The following KIF26A variants were observed in gnomAD, a reference collection of about 807,000 sequenced individuals.
KIF26A encodes the protein kinesin family member 26A, also known as kinesin-like protein KIF26A.
In KIF26A, 74 loss-of-function variants were observed where a neutral mutation model predicts 126.0. The observed-to-expected ratio is 0.59, with a 90% CI of 0.49 to 0.71. The LOEUF is 0.71. Ranked by LOEUF, KIF26A falls within the 30% of genes least tolerant of loss-of-function variation. KIF26A has a pLI of 0.00. For synonymous variants in KIF26A, 1,445 were observed against 1,232.7 expected, an observed-to-expected ratio of 1.17 and a Z score of -3.61; for missense variants, 2,984 against 2,763.3, an observed-to-expected ratio of 1.08 and a Z score of -1.79.
intron 5 of KIF26A, among the ~76,000 whole-genome samples, chr14:104,170,057 G>A (rs986714180): frequency 3.9e-5 from 6 of 152,168 alleles, no homozygotes; most frequent in African/African-American, 1.4e-4. Flanking sequence ...TTGTGAGCCC[G>A]CTCTGCGATT....
intron 3 of KIF26A, 55 bp from the exon 4 acceptor site, chr14:104,157,700 G>T (rs1482948544): frequency 2.6e-6 from 4 of 1,552,452 alleles, no homozygotes; most frequent in South Asian, 1.2e-5. Context: ...GGTGCCAGGG[G>T]GCAGTGGTGT....
rs1330760639 is a variant in KIF26A, at chr14:104,178,638, C to T, written c.5199C>T (p.Asp1733=). Residue 1733 remains aspartate, a synonymous_variant, in exon 13 of 15, where the codon GAC becomes GAT. Transcript: ENST00000423312. ...RKPSLPGQWV[D]LPPPLAGSLK... ...CCAGCCTCCCCGGGCAGTGGGTGGACCTGCCCCCGCCCCTGGCTGGCTCCC... is the reference window on the plus strand; with the variant it reads ...CCAGCCTCCCCGGGCAGTGGGTGGATCTGCCCCCGCCCCTGGCTGGCTCCC... The T allele has an allele frequency of 3.9e-6, 6 of 1,549,912 alleles. No individual in the cohort carries two copies. Among genetic ancestry groups the T allele is most frequent in the Admixed American group, 3.9e-5 (2 of 51,592 alleles).
Position 104,175,973 on chromosome 14 carries a change from C to T in KIF26A, c.3185C>T (p.Ser1062Phe). The T allele has an allele frequency of 1.3e-6, 2 of 1,574,704 alleles. No homozygotes were observed. Among genetic ancestry groups the T allele is most frequent in the East Asian group, 2.3e-5 (1 of 43,356 alleles). Residue 1062 changes from serine to phenylalanine, a missense_variant, in exon 12 of 15, where the codon TCC (serine) becomes TTC (phenylalanine). Coordinates refer to ENST00000423312, the MANE Select transcript of KIF26A (RefSeq NM_015656.2). The stretch of plus-strand genomic sequence containing the variant: ...CTGGCTAGCTTCGACAGTGACTGCT[C>T]CCTGCGGGCCCTGGCCTCGGGGTCC... ...TSLASFDSDCSLRALASGSRP... is the reference protein window; with the variant it reads ...TSLASFDSDCFLRALASGSRP...
intron 2 of KIF26A, among the ~76,000 whole-genome samples, chr14:104,142,291 G>A (rs2037644587): frequency 6.6e-6 from 1 of 152,102 alleles, no homozygotes. Flanking sequence ...GGTGTGGAGG[G>A]GAAGCCCCAT....
chr14:104,176,776 G>T lies in KIF26A; in HGVS notation c.3988G>T (p.Val1330Leu). 1 of 1,578,008 alleles carries T rather than the reference G, an allele frequency of 6.3e-7. No individual in the cohort carries two copies. ...CTGGGGAGATGCTCCCACGGAGGTG[G>T]TGGCCTGCTCGGGGAGCCTGAAGGC... ...VSWGDAPTEVVACSGSLKASP... is the reference protein window; with the variant it reads ...VSWGDAPTEVLACSGSLKASP... Residue 1330 changes from valine to leucine, a missense_variant, in exon 12 of 15, where the codon GTG becomes TTG. Val to Leu is a conservative substitution (Grantham distance 32). Transcript: ENST00000423312.
In KIF26A at chr14:104,167,000, G is replaced by A. The variant is rs578010759; in HGVS notation, c.1065G>A (p.Leu355=). ...GGCCGCCCCCGGCGCCCCCCTGCCT[G>A]CTCAGGGCCGCCTCCAAGACCAAGG... ...QLWPPPAPPC[L]LRAASKTKDN... is the part of the protein sequence containing the mutation. The change falls in exon 5 of 15, where the codon CTG becomes CTA. Residue 355 remains leucine, a synonymous_variant. Transcript: ENST00000423312. 3 of 1,581,590 alleles carry A rather than the reference G, an allele frequency of 1.9e-6. No homozygotes were observed. The highest frequency in any genetic ancestry group is 2.3e-5 in the East Asian group (1 of 43,366).
intron 5 of KIF26A, among the ~76,000 whole-genome samples, chr14:104,168,623 C>A (rs569047775): frequency 7.2e-5 from 11 of 152,336 alleles, no homozygotes; most frequent in Non-Finnish European, 1.2e-4. Flanking sequence ...ATCTCCCTGA[C>A]TCTGGGTCTC....
intron 4 of KIF26A, among the ~76,000 whole-genome samples, chr14:104,160,768 GTCA>G (rs1380638978): frequency 8.5e-5 from 13 of 152,328 alleles, no homozygotes; most frequent in Admixed American, 8.5e-4. Flanking sequence ...AGGTACTTCC[GTCA>G]TCATACTCTC....
Position 104,176,963 on chromosome 14 carries a change from C to G in KIF26A, c.4175C>G (p.Ala1392Gly). 1 of 1,535,232 alleles carries G rather than the reference C, an allele frequency of 6.5e-7. No individual in the cohort carries two copies. The highest frequency in any genetic ancestry group is 8.7e-7 in the Non-Finnish European group (1 of 1,145,868). The change falls in exon 12 of 15, where the codon GCT (alanine) becomes GGT (glycine). Residue 1392 changes from alanine (A) to glycine (G), a missense_variant. Physicochemically the swap from Ala to Gly is moderately conservative, Grantham distance 60 (BLOSUM62 0). Coordinates refer to ENST00000423312, the MANE Select transcript of KIF26A (RefSeq NM_015656.2). ...GCTGTGAACCCGGCGCGGGTCGGGG[C>G]TGCTGCTGTCCTTCGAGGGGAGGAG... ...PHAVNPARVGAAAVLRGEEEP... is the reference protein window; with the variant it reads ...PHAVNPARVGGAAVLRGEEEP...
At chr14:104,168,345 G>A (rs2037926171) in intron 5 of KIF26A, among the ~76,000 whole-genome samples, 1 of 152,206 alleles carries the variant, frequency 6.6e-6, no homozygotes, top group African/African-American at 2.4e-5. Flanking sequence ...CCCCTGGAAC[G>A]CTAATTTCGT....
At position 104,178,633 on chromosome 14, in the gene KIF26A, G is replaced by A. The variant is rs1390284529; in HGVS notation, c.5194G>A (p.Val1732Met). ...GRKPSLPGQW[V>M]DLPPPLAGSL... The stretch of plus-strand genomic sequence containing the variant: ...TAAGCCCAGCCTCCCCGGGCAGTGG[G>A]TGGACCTGCCCCCGCCCCTGGCTGG... Residue 1732 changes from valine (V) to methionine (M), a missense_variant, in exon 13 of 15, where the codon GTG becomes ATG. Val to Met is a conservative substitution (Grantham distance 21, BLOSUM62 1). Coordinates refer to ENST00000423312, the MANE Select transcript of KIF26A (RefSeq NM_015656.2). 1.3e-6 allele frequency: 2 copies of A among 1,550,080 alleles called. No individual in the cohort carries two copies. Among genetic ancestry groups the A allele is most frequent in the Non-Finnish European group, 1.7e-6 (2 of 1,147,000 alleles).
In KIF26A at chr14:104,157,903, G is replaced by A. The variant is rs752300455; in HGVS notation, c.884G>A (p.Gly295Asp). 8 of 1,557,160 alleles carry A rather than the reference G, an allele frequency of 5.1e-6. No homozygotes were observed. The highest frequency in any genetic ancestry group is 2.8e-5 in the African/African-American group (2 of 72,306). ...LVTPTPGSVG[G>D]STGPSAAASF... ...ACCCCCACCCCGGGCTCGGTGGGGGGCTCCACAGGCCCCTCAGCTGCAGCC... is the reference window on the plus strand; with the variant it reads ...ACCCCCACCCCGGGCTCGGTGGGGGACTCCACAGGCCCCTCAGCTGCAGCC... Residue 295 changes from glycine (G) to aspartate (D), a missense_variant, in exon 4 of 15, where the codon GGC becomes GAC. Gly to Asp is a moderately conservative substitution (Grantham distance 94). Transcript: ENST00000423312.
In KIF26A at chr14:104,164,913, GTC is replaced by G. The variant is rs2037869280; in HGVS notation, c.924-1942_924-1941del. Among the ~76,000 whole-genome samples the G allele has an allele frequency of 2.0e-5, 3 of 151,736 alleles. No individual in the cohort carries two copies. In the South Asian group the frequency reaches 6.3e-4, roughly 32 times the overall value. On this transcript the variant is annotated intron_variant, in intron 4 of 14. Coordinates refer to ENST00000423312, the MANE Select transcript of KIF26A (RefSeq NM_015656.2). ...TGTGTCTCTGTGTCTTTATGTGTCT[GTC>G]TCTGTGTGTGTCTCTATGTCTCTCC...
chr14:104,167,815 G>C (rs1355752836), intron 5 of KIF26A, among the ~76,000 whole-genome samples: 2 of 152,136 alleles, frequency 1.3e-5, no homozygotes, highest in African/African-American at 2.4e-5. Flanking sequence ...CTGCTCTGCA[G>C]CCAGCCCCCT....
Position 104,138,771 on chromosome 14 carries a change from G to A in KIF26A, c.42+7G>A. ...GTGCGCTGCGCAGCCCGCGGTACGC[G>A]CGGCCCGGCCTGGAGAGGGAGGCGG... On this transcript the variant is annotated splice_region_variant and intron_variant, in intron 1 of 14. Coordinates refer to ENST00000423312, the MANE Select transcript of KIF26A (RefSeq NM_015656.2). The A allele has an allele frequency of 8.0e-7, 1 of 1,257,086 alleles. No homozygotes were observed. The highest frequency in any genetic ancestry group is 4.2e-5 in the Admixed American group (1 of 23,616). The allele number at this position is 1,257,086 out of a possible 1,614,324, so 77.9% of individuals were successfully genotyped here.
rs1231585054 is a variant in KIF26A at position 104,178,604 on chromosome 14, G to C, written c.5165G>C (p.Gly1722Ala). Reference protein sequence around the residue: ...PAPLPDTTALGRKPSLPGQWV... With the variant: ...PAPLPDTTALARKPSLPGQWV... ...CCACTGCCCGACACCACTGCCCTGG[G>C]CCGTAAGCCCAGCCTCCCCGGGCAG... The change falls in exon 13 of 15, where the codon GGC (glycine) becomes GCC (alanine). Residue 1722 changes from glycine (G) to alanine (A), a missense_variant. Coordinates refer to ENST00000423312, the MANE Select transcript of KIF26A (RefSeq NM_015656.2). 1.9e-6 allele frequency: 3 copies of C among 1,546,274 alleles called. No individual in the cohort carries two copies. In the Admixed American group the frequency reaches 5.9e-5, roughly 30 times the overall value.
chr14:104,166,892 G>A lies in KIF26A; in HGVS notation c.957G>A (p.Arg319=), dbSNP rs1156861732. 6 of 1,585,818 alleles carry A rather than the reference G, an allele frequency of 3.8e-6. No individual in the cohort carries two copies. The highest frequency in any genetic ancestry group is 5.1e-6 in the Non-Finnish European group (6 of 1,167,366). Residue 319 remains arginine, a synonymous_variant, in exon 5 of 15, where the codon AGG becomes AGA. Coordinates refer to ENST00000423312, the MANE Select transcript of KIF26A (RefSeq NM_015656.2). ...AMQKLSLASK[R]KKPHPPPPPA... is the part of the protein sequence containing the mutation. ...AGAAGCTCAGCCTGGCCTCCAAGAG[G>A]AAGAAGCCCCACCCGCCACCGCCTC...
Position 104,179,257 on chromosome 14 carries a change from A to G in KIF26A, c.5338A>G (p.Arg1780Gly), listed in dbSNP as rs552295393. 230 of 1,523,280 alleles carry G rather than the reference A, an allele frequency of 1.5e-4. 5 individuals are homozygous for G. In the South Asian group the frequency reaches 2.7e-3, roughly 18 times the overall value. The allele number at this position is 1,523,280 out of a possible 1,614,324, so 94.4% of individuals were successfully genotyped here. ...PTQGLACVSTRLRLAERRQQR... is the reference protein window; with the variant it reads ...PTQGLACVSTGLRLAERRQQR... Reference sequence around the variant, plus strand: ...CCAGGGTCTGGCGTGCGTCAGTACAAGGCTGCGGCTGGCGGAGCGCAGGCA... The same window carrying G: ...CCAGGGTCTGGCGTGCGTCAGTACAGGGCTGCGGCTGGCGGAGCGCAGGCA... The change falls in exon 14 of 15, where the codon AGG becomes GGG. Residue 1780 changes from arginine (R) to glycine (G), a missense_variant. By Grantham distance (125) the Arg-to-Gly change is moderately radical (BLOSUM62 -2). Coordinates refer to ENST00000423312, the MANE Select transcript of KIF26A (RefSeq NM_015656.2).
rs1432760616 is a variant in KIF26A at position 104,176,254 on chromosome 14, G to A, written c.3466G>A (p.Gly1156Arg). The A allele has an allele frequency of 1.3e-6, 2 of 1,597,154 alleles. No homozygotes were observed. The highest frequency in any genetic ancestry group is 1.7e-6 in the Non-Finnish European group (2 of 1,172,110). Residue 1156 changes from glycine to arginine, a missense_variant, in exon 12 of 15, where the codon GGA becomes AGA. Physicochemically the swap from Gly to Arg is moderately radical, Grantham distance 125. Transcript: ENST00000423312. ...TGCCCTGGATGGTTCCCTGGGGGAT[G>A]GAAGCTCTGGGTTCCTGGGGCCAGA... ...PPALDGSLGD[G>R]SSGFLGPDRP...
Sources: gnomAD v4.1 joint callset for allele counts (sites outside exome capture counted in the v4.1 genomes callset) on GRCh38, gnomAD v4.1.1 for gene constraint, MANE v1.5 for transcripts, NCBI Gene and HGNC (gene_info 2026-07-23, HGNC 2026-07-21) for gene names.